SDK1: variants seen among roughly 807,000 people sequenced by gnomAD.
SDK1 encodes the protein sidekick cell adhesion molecule 1.
In SDK1, 157 loss-of-function variants were observed where a neutral mutation model predicts 245.5. That is an observed-to-expected ratio of 0.64 (90% CI 0.56 to 0.73). SDK1 has a LOEUF of 0.73. Ranked by LOEUF, SDK1 falls within the 30% of genes least tolerant of loss-of-function variation. The probability of loss-of-function intolerance (pLI) is 0.00; values close to 1 mark genes in which losing one functional copy is unlikely to be tolerated. For missense variants in SDK1, 3,583 were observed against 3,002.3 expected, an observed-to-expected ratio of 1.19 and a Z score of -4.52; for synonymous variants, 1,647 against 1,278.5, an observed-to-expected ratio of 1.29 and a Z score of -6.15.
intron 4 of SDK1, among the ~76,000 whole-genome samples, chr7:3,671,715 C>G (rs754268728): frequency 3.3e-5 from 5 of 151,670 alleles, no homozygotes; most frequent in African/African-American, 9.7e-5. Flanking sequence ...AAAATAATCC[C>G]TGAGACAGTC....
At chr7:3,706,167 C>G (rs1784883610) in intron 4 of SDK1, among the ~76,000 whole-genome samples, 1 of 152,044 alleles carries the variant, frequency 6.6e-6, no homozygotes. Context: ...TCAATTAGTT[C>G]ATATTTTGTT....
rs1554263702 is a variant in SDK1 at position 3,800,370 on chromosome 7, C to CTTACTTATTTATTTAT, written c.714-21077_714-21076insCTTATTTATTTATTTA. On this transcript the variant is annotated intron_variant, in intron 4 of 44. Transcript: ENST00000404826. ...CATCTTTTACTTACTTACTTACTTA[C>CTTACTTATTTATTTAT]TTATTTATTTATTTATTTATTTATT... is the stretch of plus-strand genomic sequence containing the variant. 4.9e-3 allele frequency among the ~76,000 whole-genome samples: 727 copies of CTTACTTATTTATTTAT among 148,968 alleles called. 9 individuals carry two copies. Among genetic ancestry groups the CTTACTTATTTATTTAT allele is most frequent in the African/African-American group, 0.018 (700 of 39,938 alleles).
intron 1 of SDK1, among the ~76,000 whole-genome samples, chr7:3,476,804 G>T (rs1003204633): frequency 6.6e-6 from 1 of 152,152 alleles, no homozygotes; most frequent in Non-Finnish European, 1.5e-5. Flanking sequence ...ACCCAGCAAG[G>T]TGGCTGACTG....
chr7:3,870,880 T>C (rs1363382528), intron 5 of SDK1, among the ~76,000 whole-genome samples: 2 of 152,224 alleles, frequency 1.3e-5, no homozygotes, highest in Non-Finnish European at 2.9e-5. Context: ...ATAATAACAG[T>C]TTCTCATCCC....
At chr7:4,212,168 A>G (rs1265434727) in intron 38 of SDK1, among the ~76,000 whole-genome samples, 1 of 152,264 alleles carries the variant, frequency 6.6e-6, no homozygotes, top group Admixed American at 6.5e-5. Flanking sequence ...TCGGCGCTCC[A>G]TTTAAAGCCG....
intron 1 of SDK1, among the ~76,000 whole-genome samples, chr7:3,498,365 A>T (rs988407614): frequency 5.9e-5 from 9 of 152,244 alleles, no homozygotes; most frequent in African/African-American, 2.2e-4. Context: ...TTCTTTATTT[A>T]CCAGCCTTCT....
At chr7:4,221,497 T>A in intron 40 of SDK1, 133 bp downstream of exon 40, 1 of 1,169,904 alleles carries the variant, frequency 8.5e-7, no homozygotes, top group Non-Finnish European at 1.2e-6. Context: ...AGGGCGGTTT[T>A]GGTGAAAGAA....
intron 5 of SDK1, among the ~76,000 whole-genome samples, chr7:3,881,518 G>C (rs1384084789): frequency 6.6e-6 from 1 of 152,124 alleles, no homozygotes; most frequent in Admixed American, 6.6e-5. Flanking sequence ...GGACATTTGG[G>C]TTGACTCCAT....
At chr7:3,825,463 T>C (rs1260060424) in intron 5 of SDK1, among the ~76,000 whole-genome samples, 1 of 152,184 alleles carries the variant, frequency 6.6e-6, no homozygotes, top group Non-Finnish European at 1.5e-5. Flanking sequence ...TGTAATGAGA[T>C]TCTCTACTAG....
chr7:3,974,401 C>G lies in SDK1; in HGVS notation c.1850C>G (p.Thr617Ser), dbSNP rs760915112. The G allele has an allele frequency of 6.8e-6, 11 of 1,613,970 alleles. No homozygotes were observed. The highest frequency in any genetic ancestry group is 9.3e-6 in the Non-Finnish European group (11 of 1,179,912). Residue 617 changes from threonine (T) to serine (S), a missense_variant, in exon 13 of 45, where the codon ACT becomes AGT. By Grantham distance (58) the Thr-to-Ser change is moderately conservative. Transcript: ENST00000404826. ...YVWKKDNVAL[T>S]PSSTSRIVVE... ...TGGAAGAAGGACAACGTGGCCCTGACTCCATCGAGCACGTCTAGGATCGTG... is the reference window on the plus strand; with the variant it reads ...TGGAAGAAGGACAACGTGGCCCTGAGTCCATCGAGCACGTCTAGGATCGTG...
In SDK1 at chr7:4,268,047, C is replaced by T. The variant is rs574038304; in HGVS notation, c.*2663C>T. On this transcript the variant is annotated 3_prime_UTR_variant, in exon 45 of 45. Coordinates refer to ENST00000404826, the MANE Select transcript of SDK1 (RefSeq NM_152744.4). ...GAAGATGGAGGTTGGATTTTAATCT[C>T]GGTTTTAAAAAGAGGACAAACAAAA... is the stretch of plus-strand genomic sequence containing the variant. The T allele has an allele frequency of 4.8e-5, 47 of 985,358 alleles. No individual in the cohort carries two copies. In the East Asian group the frequency reaches 6.8e-4, roughly 14 times the overall value. The allele number at this position is 985,358 out of a possible 1,614,324, so 61.0% of individuals were successfully genotyped here.
intron 19 of SDK1, among the ~76,000 whole-genome samples, chr7:4,066,477 G>A (rs1340532755): frequency 1.3e-5 from 2 of 152,134 alleles, no homozygotes; most frequent in Non-Finnish European, 2.9e-5. Context: ...CCCCAAAAGC[G>A]TTTCCATTTC....
At chr7:3,517,610 C>G (rs1782794990) in intron 1 of SDK1, among the ~76,000 whole-genome samples, 1 of 152,106 alleles carries the variant, frequency 6.6e-6, no homozygotes, top group South Asian at 2.1e-4. Flanking sequence ...CAGAGCCTGT[C>G]CCGCCTAGAG....
intron 1 of SDK1, among the ~76,000 whole-genome samples, chr7:3,333,834 C>G (rs899248980): frequency 2.6e-5 from 4 of 152,194 alleles, no homozygotes; most frequent in Admixed American, 6.5e-5. Context: ...CTTAGAAACG[C>G]TCCTAGCAGG....
At chr7:3,496,964 A>C (rs1342184784) in intron 1 of SDK1, among the ~76,000 whole-genome samples, 1 of 152,174 alleles carries the variant, frequency 6.6e-6, no homozygotes, top group Admixed American at 6.5e-5. Context: ...CCCATATTTT[A>C]ATTTCTATCC....
intron 1 of SDK1, among the ~76,000 whole-genome samples, chr7:3,329,178 A>G (rs1313730107): frequency 6.6e-6 from 1 of 152,170 alleles, no homozygotes; most frequent in East Asian, 1.9e-4. Context: ...TATGAGGCAT[A>G]TCATTTTACA....
chr7:3,581,083 A>G (rs937829693), intron 1 of SDK1, among the ~76,000 whole-genome samples: 41 of 152,038 alleles, frequency 2.7e-4, no homozygotes, highest in African/African-American at 8.9e-4. Flanking sequence ...GCTGAAAACA[A>G]TTGCACCAAA....
intron 1 of SDK1, among the ~76,000 whole-genome samples, chr7:3,594,477 G>A (rs187927906): frequency 6.6e-6 from 1 of 152,270 alleles, no homozygotes; most frequent in East Asian, 1.9e-4. Flanking sequence ...CCTAAGGATG[G>A]AATTACTGGG....
chr7:3,655,194 G>T (rs1180807431), intron 4 of SDK1, among the ~76,000 whole-genome samples: 1 of 151,580 alleles, frequency 6.6e-6, no homozygotes, highest in African/African-American at 2.4e-5. Flanking sequence ...AGCACTTTGG[G>T]AGGCTGAGGC....
Sources: gnomAD v4.1 joint callset for allele counts (sites outside exome capture counted in the v4.1 genomes callset) on GRCh38, gnomAD v4.1.1 for gene constraint, MANE v1.5 for transcripts, NCBI Gene and HGNC (gene_info 2026-07-23, HGNC 2026-07-21) for gene names.